KAZN: variants seen among roughly 807,000 people sequenced by gnomAD.
The protein encoded by KAZN is kazrin.
A neutral mutation model predicts 87.4 loss-of-function variants in KAZN; 40 were observed. The observed-to-expected ratio is 0.46, with a 90% CI of 0.36 to 0.60. The LOEUF (loss-of-function observed/expected upper bound fraction) is 0.60, where lower values mean the gene tolerates loss of function less well. Among genes scored for constraint, KAZN ranks in the 20% least tolerant of loss-of-function variants. The pLI is 0.00. For missense variants in KAZN, 898 were observed against 1,073.9 expected (o/e 0.84, Z 2.29); for synonymous variants, 466 against 458.3 (o/e 1.02, Z -0.22).
intron 1 of KAZN, among the ~76,000 whole-genome samples, chr1:14,685,485 C>A (rs1640900912): frequency 1.3e-5 from 2 of 152,186 alleles, no homozygotes; most frequent in African/African-American, 2.4e-5. Context: ...GGCCAGGGGA[C>A]ATGGGCAGAG....
chr1:14,621,321 C>G (rs554705462), intron 1 of KAZN, among the ~76,000 whole-genome samples: 18 of 152,318 alleles, frequency 1.2e-4, no homozygotes, highest in African/African-American at 4.1e-4. Flanking sequence ...TGGCATTTTA[C>G]AAGTAGGTCT....
chr1:14,929,902 C>G, intron 1 of KAZN: 1 of 985,460 alleles, frequency 1.0e-6, no homozygotes, highest in Non-Finnish European at 1.2e-6. Context: ...CTCTCGTCTG[C>G]TTTTTGGATG....
chr1:14,142,860 G>T (rs543909627), intron 1 of KAZN, among the ~76,000 whole-genome samples: 1 of 152,198 alleles, frequency 6.6e-6, no homozygotes, highest in Admixed American at 6.5e-5. Context: ...GATTTGAAAA[G>T]AAGCCGCTCT....
chr1:14,102,912 C>CTTTTTTTTTTTTTTTTTT (rs140592376), intron 1 of KAZN, among the ~76,000 whole-genome samples: 1 of 149,424 alleles, frequency 6.7e-6, no homozygotes. Flanking sequence ...ACTAATCTCT[C>CTTTTTTTTTTTTTTTTTT]TCTTTTTTTT....
At chr1:14,704,475 A>T (rs1368128138) in intron 1 of KAZN, among the ~76,000 whole-genome samples, 1 of 152,198 alleles carries the variant, frequency 6.6e-6, no homozygotes, top group East Asian at 1.9e-4. Context: ...TATAACCAAA[A>T]TGTGTGCCCA....
chr1:15,108,231 G>A (rs144525492), intron 13 of KAZN, among the ~76,000 whole-genome samples: 50 of 152,278 alleles, frequency 3.3e-4, no homozygotes, highest in African/African-American at 1.0e-3. Context: ...TCAGCAGGCC[G>A]CTGGAATGGG....
chr1:14,500,987 ATGGATTCACTGGTGAATTC>A (rs1053856980), intron 2 of KAZN, among the ~76,000 whole-genome samples: 1 of 151,954 alleles, frequency 6.6e-6, no homozygotes, highest in Non-Finnish European at 1.5e-5. Context: ...CCAGGCCCAA[ATGGATTCACTGGTGAATTC>A]TACTAAATGT....
chr1:14,486,045 C>T (rs528620529), intron 2 of KAZN, among the ~76,000 whole-genome samples: 1 of 152,252 alleles, frequency 6.6e-6, no homozygotes, highest in East Asian at 1.9e-4. Context: ...TAAAGCTGTT[C>T]TCTTCTACCT....
At chr1:14,543,932 A>G (rs1455560871) in intron 2 of KAZN, among the ~76,000 whole-genome samples, 1 of 152,222 alleles carries the variant, frequency 6.6e-6, no homozygotes, top group African/African-American at 2.4e-5. Context: ...ATCTTCATAC[A>G]CTTTGTTGCC....
At chr1:14,666,274 T>A (rs756344489) in intron 1 of KAZN, among the ~76,000 whole-genome samples, 3 of 152,096 alleles carry the variant, frequency 2.0e-5, no homozygotes, top group Non-Finnish European at 4.4e-5. Context: ...TGAGTCGGTA[T>A]CAGCAGGATT....
At chr1:15,083,579 G>C (rs1224302764) in intron 8 of KAZN, among the ~76,000 whole-genome samples, 1 of 152,168 alleles carries the variant, frequency 6.6e-6, no homozygotes, top group Non-Finnish European at 1.5e-5. Flanking sequence ...CAGACACGCA[G>C]AGCCCCAAGT....
intron 1 of KAZN, among the ~76,000 whole-genome samples, chr1:14,057,740 A>G (rs1454391978): frequency 3.3e-5 from 5 of 152,170 alleles, no homozygotes; most frequent in South Asian, 2.1e-4. Context: ...AGGCAACTCA[A>G]ATAAATGCTA....
intron 2 of KAZN, among the ~76,000 whole-genome samples, chr1:14,505,677 G>A (rs1054322296): frequency 2.0e-5 from 3 of 152,132 alleles, no homozygotes; most frequent in Non-Finnish European, 4.4e-5. Flanking sequence ...TTCAGTTTGA[G>A]ATGATGAAAA....
intron 2 of KAZN, among the ~76,000 whole-genome samples, chr1:14,430,163 C>T: frequency 6.6e-6 from 1 of 151,442 alleles, no homozygotes; most frequent in East Asian, 1.9e-4. Context: ...TCGTGACTTT[C>T]CTGTTTAACA....
At chr1:14,908,599 C>T (rs1656877121) in intron 1 of KAZN, among the ~76,000 whole-genome samples, 1 of 151,204 alleles carries the variant, frequency 6.6e-6, no homozygotes, top group Non-Finnish European at 1.5e-5. Context: ...GCATGTGACT[C>T]CCAGCTACTC....
chr1:14,802,506 T>TA (rs1157268591), intron 1 of KAZN, among the ~76,000 whole-genome samples: 2 of 152,078 alleles, frequency 1.3e-5, no homozygotes. Flanking sequence ...GGGGGGTTAC[T>TA]AGTGAGATCT....
At chr1:14,466,406 A>C (rs1037915502) in intron 2 of KAZN, among the ~76,000 whole-genome samples, 1 of 152,164 alleles carries the variant, frequency 6.6e-6, no homozygotes, top group African/African-American at 2.4e-5. Context: ...AGAAAACCAA[A>C]TGCTGCGTGT....
intron 2 of KAZN, among the ~76,000 whole-genome samples, chr1:14,330,125 C>A (rs925113860): frequency 2.0e-5 from 3 of 152,144 alleles, no homozygotes; most frequent in Non-Finnish European, 2.9e-5. Context: ...AAGGAAACTC[C>A]ACAGTAAGTG....
intron 1 of KAZN, among the ~76,000 whole-genome samples, chr1:14,713,775 CAAAAAAAA>C (rs58947119): frequency 2.1e-5 from 2 of 94,636 alleles, no homozygotes; most frequent in African/African-American, 4.7e-5. Context: ...CTCATCTCTA[CAAAAAAAA>C]AAAAAAAAAA....
Sources: gnomAD v4.1 joint callset for allele counts (sites outside exome capture counted in the v4.1 genomes callset) on GRCh38, gnomAD v4.1.1 for gene constraint, MANE v1.5 for transcripts, NCBI Gene and HGNC (gene_info 2026-07-23, HGNC 2026-07-21) for gene names.